The following HTT variants were observed in gnomAD, a reference collection of about 807,000 sequenced individuals.
The protein encoded by HTT is huntington disease protein.
Under a neutral mutation model 362.3 loss-of-function variants are expected in HTT, and 104 were observed. The observed-to-expected ratio is 0.29, with a 90% CI of 0.24 to 0.34. The LOEUF is 0.34. Among genes scored for constraint, HTT ranks in the 10% least tolerant of loss-of-function variants. The pLI is 1.00. For synonymous variants in HTT, 1,577 were observed against 1,548.7 expected (o/e 1.02, Z -0.43); for missense variants, 3,301 against 3,928.6 (o/e 0.84, Z 4.27).
chr4:3,228,536 A>G lies in HTT; in HGVS notation c.7849-79A>G, dbSNP rs1250296793. On this transcript the variant is annotated intron_variant, in intron 57 of 66. Coordinates refer to ENST00000355072, the MANE Select transcript of HTT (RefSeq NM_001388492.1). This position sits in a 1 kb window ranked among gnomAD's most constrained non-coding sequence, Gnocchi z 4.3. Reference sequence around the variant, plus strand: ...ACTGTTAGACGGTAGGCATGTGCTGAGTCCCAGTGGCCACACCCACCCACC... The same window carrying G: ...ACTGTTAGACGGTAGGCATGTGCTGGGTCCCAGTGGCCACACCCACCCACC... 3 of 1,458,624 alleles carry G rather than the reference A, an allele frequency of 2.1e-6. No individual in the cohort carries two copies. The highest frequency in any genetic ancestry group is 2.8e-6 in the Non-Finnish European group (3 of 1,087,504). The allele number at this position is 1,458,624 out of a possible 1,614,324, so 90.4% of individuals were successfully genotyped here.
At position 3,187,681 on chromosome 4, in the gene HTT, T is replaced by C; in HGVS notation, c.5020T>C (p.Ser1674Pro). ...ASVSTVQLWI[S>P]GILAILRVLI... is the part of the protein sequence containing the mutation. ...CGTGAGCACTGTTCAACTGTGGATA[T>C]CGGGAATTCTGGCCATTTTGAGGGT... is the stretch of plus-strand genomic sequence containing the variant. Residue 1674 changes from serine (S) to proline (P), a missense_variant, in exon 39 of 67, where the codon TCG (serine) becomes CCG (proline). Ser to Pro is a moderately conservative substitution (Grantham distance 74). Coordinates refer to ENST00000355072, the MANE Select transcript of HTT (RefSeq NM_001388492.1). 2 of 1,614,156 alleles carry C rather than the reference T, an allele frequency of 1.2e-6. No individual in the cohort carries two copies. Among genetic ancestry groups the C allele is most frequent in the Non-Finnish European group, 1.7e-6 (2 of 1,179,976 alleles).
At position 3,242,275 on chromosome 4, in the gene HTT, C is replaced by G. The variant is rs1721838221; in HGVS notation, c.*2216C>G. 1 of 152,220 alleles carries G rather than the reference C, an allele frequency of 6.6e-6. No homozygotes were observed. The highest frequency in any genetic ancestry group is 2.1e-4 in the South Asian group (1 of 4,832). 9.4% of individuals were successfully genotyped at this position (152,220 alleles called of 1,614,324 possible). ...CTAAACCAGTCCTTAGCAAGGGGCTCAGAACACCCCGCTCTGGCAGTAGGT... is the reference window on the plus strand; with the variant it reads ...CTAAACCAGTCCTTAGCAAGGGGCTGAGAACACCCCGCTCTGGCAGTAGGT... On this transcript the variant is annotated 3_prime_UTR_variant, in exon 67 of 67. Coordinates refer to ENST00000355072, the MANE Select transcript of HTT (RefSeq NM_001388492.1).
At chr4:3,095,105 C>T (rs956346616) in intron 2 of HTT, among the ~76,000 whole-genome samples, 1 of 152,190 alleles carries the variant, frequency 6.6e-6, no homozygotes, top group Admixed American at 6.5e-5. Context: ...CAGAAACGCT[C>T]CTCACTTCCT....
chr4:3,172,517 C>A, intron 30 of HTT, 120 bp downstream of exon 30: 1 of 775,666 alleles, frequency 1.3e-6, no homozygotes, highest in Non-Finnish European at 2.3e-6. Context: ...TGGGGTCCAG[C>A]GCAGCACTTT....
chr4:3,100,223 T>C (rs534523852), intron 3 of HTT, among the ~76,000 whole-genome samples: 2 of 152,206 alleles, frequency 1.3e-5, no homozygotes, highest in Non-Finnish European at 2.9e-5. Flanking sequence ...TGTGTGTCTG[T>C]GTATGTGTGA....
At chr4:3,113,651 A>C (rs1431062288) in intron 6 of HTT, among the ~76,000 whole-genome samples, 1 of 152,244 alleles carries the variant, frequency 6.6e-6, no homozygotes, top group African/African-American at 2.4e-5. Flanking sequence ...TTAAGATGTT[A>C]GTATCTTTTC....
rs1720535015 is a variant in HTT at position 3,218,708 on chromosome 4, G to A, written c.7242+756G>A. On this transcript the variant is annotated intron_variant, in intron 52 of 66. Transcript: ENST00000355072. This position sits in a 1 kb window ranked among gnomAD's most constrained non-coding sequence, Gnocchi z 4.4. ...ATGAGGAGCTTAGCTTGAGGAGAGT[G>A]AGGGTTGATGGAGGGGGACTGACTT... Among the ~76,000 whole-genome samples, 1 of 152,216 alleles carries A rather than the reference G, an allele frequency of 6.6e-6. No individual in the cohort carries two copies. Among genetic ancestry groups the A allele is most frequent in the Admixed American group, 6.5e-5 (1 of 15,286 alleles).
rs138032092 is a variant in HTT, at chr4:3,098,449, G to T, written c.348-825G>T. Among the ~76,000 whole-genome samples the T allele has an allele frequency of 2.4e-4, 37 of 152,218 alleles. No homozygotes were observed. In the East Asian group the frequency reaches 7.1e-3, roughly 29 times the overall value. On this transcript the variant is annotated intron_variant, in intron 2 of 66. Transcript: ENST00000355072. The stretch of plus-strand genomic sequence containing the variant: ...ATGCTTCAAAAATAGCACATCCCCC[G>T]TATTACTGGGATTTGCTATTCTTGG...
intron 46 of HTT, 47 bp downstream of exon 46, chr4:3,208,958 C>T: frequency 1.9e-6 from 3 of 1,565,470 alleles, no homozygotes; most frequent in Non-Finnish European, 2.6e-6. Context: ...CGCTGAGTGC[C>T]TCTGTCACCT....
At chr4:3,098,964 A>G (rs1225414781) in intron 2 of HTT, among the ~76,000 whole-genome samples, 2 of 152,246 alleles carry the variant, frequency 1.3e-5, no homozygotes, top group Non-Finnish European at 2.9e-5. Flanking sequence ...TTTTTAAAAA[A>G]TAAACTTTAT....
intron 8 of HTT, 54 bp downstream of exon 8, chr4:3,116,317 G>T (rs1715024954): frequency 6.9e-7 from 1 of 1,448,734 alleles, no homozygotes; most frequent in East Asian, 2.3e-5. Context: ...GACATTCAAA[G>T]AACCGATTAA....
intron 3 of HTT, among the ~76,000 whole-genome samples, chr4:3,101,891 G>A (rs1396384847): frequency 6.6e-6 from 1 of 152,188 alleles, no homozygotes; most frequent in African/African-American, 2.4e-5. Flanking sequence ...GCAGCCAGTA[G>A]GTGAAAGAGT....
At chr4:3,232,318 A>G (rs1056612941) in intron 60 of HTT, among the ~76,000 whole-genome samples, 1 of 152,154 alleles carries the variant, frequency 6.6e-6, no homozygotes, top group African/African-American at 2.4e-5. Context: ...GAACCTCATC[A>G]TTCCACAAAA....
chr4:3,216,683 T>C (rs1473759438), intron 51 of HTT, among the ~76,000 whole-genome samples: 1 of 152,204 alleles, frequency 6.6e-6, no homozygotes, highest in African/African-American at 2.4e-5. Flanking sequence ...AAGCTTTCTT[T>C]GTTTTTTTAA....
At chr4:3,134,232 A>G (rs1715958217) in intron 18 of HTT, among the ~76,000 whole-genome samples, 169 bp from the exon 19 acceptor site, 1 of 152,250 alleles carries the variant, frequency 6.6e-6, no homozygotes, top group South Asian at 2.1e-4. Context: ...TTACTGAGAT[A>G]AAGTATTCTT....
intron 41 of HTT, among the ~76,000 whole-genome samples, chr4:3,202,256 G>A (rs924114503): frequency 2.0e-5 from 3 of 152,116 alleles, no homozygotes; most frequent in African/African-American, 4.8e-5. Context: ...CACCAGTACC[G>A]GGCGGTGTAT....
chr4:3,157,295 C>T (rs1394147677), intron 28 of HTT, 96 bp downstream of exon 28: 8 of 1,175,948 alleles, frequency 6.8e-6, no homozygotes. Flanking sequence ...GATGTATAAG[C>T]CCTTTGAGAT....
chr4:3,155,922 A>G (rs1464000294), intron 27 of HTT, among the ~76,000 whole-genome samples: 3 of 151,788 alleles, frequency 2.0e-5, no homozygotes, highest in Non-Finnish European at 4.4e-5. Context: ...AAGAAGAAAT[A>G]CATATGCATT....
At chr4:3,199,349 G>A (rs1231881987) in intron 40 of HTT, among the ~76,000 whole-genome samples, 1 of 152,180 alleles carries the variant, frequency 6.6e-6, no homozygotes, top group Non-Finnish European at 1.5e-5. Flanking sequence ...AGACCAGCCT[G>A]GCCAACATGG....
Sources: gnomAD v4.1 joint callset for allele counts (sites outside exome capture counted in the v4.1 genomes callset) on GRCh38, gnomAD v4.1.1 for gene constraint, Gnocchi (gnomAD v3.1) non-coding constraint, MANE v1.5 for transcripts, NCBI Gene and HGNC (gene_info 2026-07-23, HGNC 2026-07-21) for gene names.